Variants in SMURF2 observed in about 807,000 individuals in gnomAD.
The protein encoded by SMURF2 is SMAD specific E3 ubiquitin protein ligase 2.
A neutral mutation model predicts 109.6 loss-of-function variants in SMURF2; 48 were observed. The ratio of observed to expected loss-of-function variants is 0.44; its 90% CI spans 0.35 to 0.56. The LOEUF is 0.56. Ranked by LOEUF, SMURF2 falls within the 20% of genes least tolerant of loss-of-function variation. The probability of loss-of-function intolerance (pLI) is 0.01; values close to 1 mark genes in which losing one functional copy is unlikely to be tolerated. For synonymous variants in SMURF2, 288 were observed against 317.1 expected (o/e 0.91, Z 0.97); for missense variants, 575 against 909.0 (o/e 0.63, Z 4.72).
At chr17:64,545,989 T>C (rs1378923868) in intron 18 of SMURF2, 42 bp from the exon 19 acceptor site, 1 of 1,286,078 alleles carries the variant, frequency 7.8e-7, no homozygotes, top group African/African-American at 1.5e-5. Context: ...TCATTCAAAA[T>C]AAGTAAACTG....
chr17:64,560,966 C>CAAAAAAAAAAAAA (rs782010996), intron 12 of SMURF2: 1 of 59,604 alleles, frequency 1.7e-5, no homozygotes, highest in Non-Finnish European at 3.3e-5. Context: ...ACCCTGTCTC[C>CAAAAAAAAAAAAA]AAAAAAAAAA....
rs572259546 is a variant in SMURF2 at position 64,545,528 on chromosome 17, T to C, written c.*320A>G. On this transcript the variant is annotated 3_prime_UTR_variant, in exon 19 of 19. Coordinates refer to ENST00000262435, the MANE Select transcript of SMURF2 (RefSeq NM_022739.4). ...TTGAATAGATTACCTTTTATAAAAA[T>C]AGTAGTAGTCTTTAAGTGTAGAATA... The C allele has an allele frequency of 1.1e-5, 2 of 181,100 alleles. No homozygotes were observed. Among genetic ancestry groups the C allele is most frequent in the Admixed American group, 5.8e-5 (1 of 17,182 alleles). 11.2% of individuals were successfully genotyped at this position (181,100 alleles called of 1,614,324 possible).
chr17:64,586,961 C>G (rs1203535084), intron 5 of SMURF2, among the ~76,000 whole-genome samples: 2 of 151,744 alleles, frequency 1.3e-5, no homozygotes, highest in African/African-American at 4.8e-5. Context: ...GTCAGGAGAT[C>G]GAGACTAGCC....
intron 5 of SMURF2, among the ~76,000 whole-genome samples, chr17:64,586,834 A>G (rs1211950245): frequency 2.0e-5 from 3 of 151,330 alleles, no homozygotes; most frequent in African/African-American, 7.3e-5. Flanking sequence ...AAAAGTCCAT[A>G]TTAATTTGAC....
Position 64,562,757 on chromosome 17 carries a change from G to C in SMURF2, c.1212+14C>G, listed in dbSNP as rs781957539. On this transcript the variant is annotated intron_variant, in intron 11 of 18. Transcript: ENST00000262435. ...AAAAAAAATAGTAAAACAAAATAAG[G>C]CTCGTAAATTTACCTCAAAAATCTC... 7 of 1,608,100 alleles carry C rather than the reference G, an allele frequency of 4.4e-6. No homozygotes were observed. In the East Asian group the frequency reaches 1.1e-4, roughly 26 times the overall value.
chr17:64,584,361 C>CTTTTTTTTTTTTTTTTTTTTTTTTT (rs372682588), intron 6 of SMURF2, among the ~76,000 whole-genome samples: 4 of 112,754 alleles, frequency 3.5e-5, no homozygotes, highest in African/African-American at 1.5e-4. Context: ...CTTTTTTTTT[C>CTTTTTTTTTTTTTTTTTTTTTTTTT]TTTTTTTTTT....
At chr17:64,643,690 C>T (rs528320496) in intron 1 of SMURF2, among the ~76,000 whole-genome samples, 1 of 152,296 alleles carries the variant, frequency 6.6e-6, no homozygotes, top group South Asian at 2.1e-4. Flanking sequence ...ATTGTAAATA[C>T]CTGCTTCATT....
intron 10 of SMURF2, 127 bp from the exon 11 acceptor site, chr17:64,563,093 T>A: frequency 1.2e-6 from 1 of 806,592 alleles, no homozygotes; most frequent in Non-Finnish European, 1.8e-6. Context: ...TAGTAGAACA[T>A]ATACTTGGCT....
chr17:64,644,828 T>C (rs988605902), intron 1 of SMURF2, among the ~76,000 whole-genome samples: 2 of 151,580 alleles, frequency 1.3e-5, no homozygotes, highest in African/African-American at 4.8e-5. Flanking sequence ...GGTGAAACCC[T>C]GTCTCTACTA....
rs970492908 is a variant in SMURF2, at chr17:64,567,124, C to T, written c.1017-4158G>A. On this transcript the variant is annotated intron_variant, in intron 10 of 18. Transcript: ENST00000262435. ...CTACCCGCCTCGGCCTCCCAAAGTG[C>T]TGGGATTACCAGTGTGAGCCACCAT... is the stretch of plus-strand genomic sequence containing the variant. 6.6e-5 allele frequency among the ~76,000 whole-genome samples: 10 copies of T among 152,260 alleles called. No homozygotes were observed. The South Asian group carries it at 1.2e-3, about 19-fold the overall frequency.
intron 1 of SMURF2, among the ~76,000 whole-genome samples, chr17:64,629,463 C>T (rs1970309204): frequency 1.3e-5 from 2 of 152,082 alleles, no homozygotes; most frequent in African/African-American, 4.8e-5. Flanking sequence ...GTGATCACAC[C>T]ACTGCACTCC....
At chr17:64,644,505 A>G (rs1598313116) in intron 1 of SMURF2, among the ~76,000 whole-genome samples, 1 of 151,128 alleles carries the variant, frequency 6.6e-6, no homozygotes, top group Admixed American at 6.6e-5. Flanking sequence ...CTGAGGCAGG[A>G]GGAATGCTTG....
rs782373420 is a variant in SMURF2 at position 64,581,858 on chromosome 17, T to C, written c.570-867A>G. Among the ~76,000 whole-genome samples, 1 of 151,900 alleles carries C rather than the reference T, an allele frequency of 6.6e-6. No homozygotes were observed. Among genetic ancestry groups the C allele is most frequent in the African/African-American group, 2.4e-5 (1 of 41,354 alleles). On this transcript the variant is annotated intron_variant, in intron 7 of 18. Coordinates refer to ENST00000262435, the MANE Select transcript of SMURF2 (RefSeq NM_022739.4). This position sits in a 1 kb window ranked among gnomAD's most constrained non-coding sequence, Gnocchi z 4.3. ...TACTCGGGAGGCTGAGGTACGAGAATTGCTTGAATCCAGGAGGCAGAGGTT... is the reference window on the plus strand; with the variant it reads ...TACTCGGGAGGCTGAGGTACGAGAACTGCTTGAATCCAGGAGGCAGAGGTT...
intron 1 of SMURF2, among the ~76,000 whole-genome samples, chr17:64,658,794 C>G (rs1489826151): frequency 6.6e-6 from 1 of 152,062 alleles, no homozygotes; most frequent in Admixed American, 6.6e-5. Context: ...GAAAGAAAAG[C>G]CTGTATCAGA....
At chr17:64,579,671 C>T (rs1969552792) in intron 8 of SMURF2, among the ~76,000 whole-genome samples, 1 of 152,130 alleles carries the variant, frequency 6.6e-6, no homozygotes, top group African/African-American at 2.4e-5. Flanking sequence ...TTAAAATTTA[C>T]TATGCCAGAC....
At chr17:64,594,159 T>G (rs1417319113) in intron 3 of SMURF2, 1 of 152,252 alleles carries the variant, frequency 6.6e-6, no homozygotes, top group Admixed American at 6.6e-5. Context: ...TGCATATGCC[T>G]GTAAGTATGT....
intron 15 of SMURF2, among the ~76,000 whole-genome samples, chr17:64,554,300 T>A (rs1555683845): frequency 6.6e-6 from 1 of 152,222 alleles, no homozygotes; most frequent in South Asian, 2.1e-4. Context: ...GCAGAAGTCA[T>A]GTTGGCCAGG....
chr17:64,555,799 G>C, intron 14 of SMURF2, 21 bp downstream of exon 14: 2 of 1,513,736 alleles, frequency 1.3e-6, no homozygotes, highest in African/African-American at 1.4e-5. Flanking sequence ...ATAATGAAGA[G>C]ATAGAAGACT....
At chr17:64,557,167 A>G (rs892764590) in intron 13 of SMURF2, among the ~76,000 whole-genome samples, 1 of 152,178 alleles carries the variant, frequency 6.6e-6, no homozygotes, top group Non-Finnish European at 1.5e-5. Flanking sequence ...GCAGGGTCCC[A>G]TTTCATTCTC....
Sources: allele counts gnomAD v4.1 joint callset (sites outside exome capture counted in the v4.1 genomes callset), GRCh38; gene constraint gnomAD v4.1.1; non-coding constraint Gnocchi (gnomAD v3.1); transcripts MANE v1.5; gene names NCBI Gene and HGNC (gene_info 2026-07-23, HGNC 2026-07-21).